LMNA: variants seen among roughly 807,000 people sequenced by gnomAD.
LMNA encodes the protein lamin.
LMNA carries 20 observed loss-of-function variants against 70.4 expected under a neutral mutation model. The observed-to-expected ratio is 0.28, with a 90% confidence interval of 0.20 to 0.41. The LOEUF (loss-of-function observed/expected upper bound fraction) is 0.41. LMNA is among the 10% of genes least tolerant of loss of function. The pLI is 1.00. For missense variants in LMNA, 652 were observed against 917.2 expected, an observed-to-expected ratio of 0.71 and a Z score of 3.73; for synonymous variants, 339 against 372.8, an observed-to-expected ratio of 0.91 and a Z score of 1.04.
chr1:156,138,355 C>T lies in LMNA; in HGVS notation c.1699-133C>T, dbSNP rs35917802. 1,062 of 1,017,860 alleles carry T rather than the reference C, an allele frequency of 1.0e-3. 13 individuals are homozygous for T. The African/African-American group carries it at 0.013, about 13-fold the overall frequency. 63.1% of individuals were successfully genotyped at this position (1,017,860 alleles called of 1,614,324 possible). A position where few individuals can be genotyped will look rare whatever the true frequency, so the allele number is the denominator to read the frequency against. On this transcript the variant is annotated intron_variant, in intron 10 of 11. Transcript: ENST00000368300. This position sits in a 1 kb window ranked among gnomAD's most constrained non-coding sequence, Gnocchi z 5.5. ...CCTAGCCTCCCAAACCCCCATTGCC[C>T]GCTGGCTCCTTGGGCACAGAACCAC...
At chr1:156,098,685 G>A (rs953957621) in intron 3 of LMNA, among the ~76,000 whole-genome samples, 3 of 152,170 alleles carry the variant, frequency 2.0e-5, no homozygotes, top group African/African-American at 7.2e-5. Context: ...AGAGGATGGA[G>A]GGGGTGGTGG....
chr1:156,106,642 CA>C (rs1649358434), intron 3 of LMNA: 28 of 145,122 alleles, frequency 1.9e-4, no homozygotes, highest in African/African-American at 3.3e-4. Context: ...CCCACCCCCC[CA>C]CGCCTCTGTC....
chr1:156,095,481 GGCACCTGCCACCACACCCA>G (rs1215555612), intron 3 of LMNA, among the ~76,000 whole-genome samples: 1 of 151,586 alleles, frequency 6.6e-6, no homozygotes, highest in Non-Finnish European at 1.5e-5. Flanking sequence ...TAGGATTACA[GGCACCTGCCACCACACCCA>G]GCTAATGCTT....
intron 2 of LMNA, among the ~76,000 whole-genome samples, chr1:156,086,433 T>TTTG (rs1648480184): frequency 6.6e-6 from 1 of 151,286 alleles, no homozygotes; most frequent in African/African-American, 2.4e-5. Context: ...TCTTTTGTCT[T>TTTG]TCTTACACAA....
At chr1:156,104,195 C>A (rs957077927) in intron 3 of LMNA, among the ~76,000 whole-genome samples, 1 of 152,180 alleles carries the variant, frequency 6.6e-6, no homozygotes, top group South Asian at 2.1e-4. Flanking sequence ...CCAAGAGGTG[C>A]GTGTATGGAG....
In LMNA at chr1:156,136,406, G is replaced by C; in HGVS notation, c.1350G>C (p.Lys450Asn). The C allele has an allele frequency of 6.2e-7, 1 of 1,602,578 alleles. No homozygotes were observed. The highest frequency in any genetic ancestry group is 8.5e-7 in the Non-Finnish European group (1 of 1,175,278). ...VAVEEVDEEG[K>N]FVRLRNKSNE... is the part of the protein sequence containing the mutation. ...TGGAGGAGGTGGATGAGGAGGGCAA[G>C]TTTGTCCGGCTGCGCAACAAGTCCA... is the stretch of plus-strand genomic sequence containing the variant. The change falls in exon 7 of 12, where the codon AAG becomes AAC. Residue 450 changes from lysine to asparagine, a missense_variant. Lys to Asn is a moderately conservative substitution (Grantham distance 94). Coordinates refer to ENST00000368300, the MANE Select transcript of LMNA (RefSeq NM_170707.4). The surrounding 1 kb of genome is among the most constrained non-coding windows in gnomAD (Gnocchi z 6.1).
In LMNA at chr1:156,135,810, G is replaced by T. The variant is rs931847142; in HGVS notation, c.937-91G>T. The T allele has an allele frequency of 3.9e-6, 4 of 1,025,998 alleles. No individual in the cohort carries two copies. In the African/African-American group the frequency reaches 6.3e-5, roughly 16 times the overall value. 63.6% of individuals were successfully genotyped at this position (1,025,998 alleles called of 1,614,324 possible). On this transcript the variant is annotated intron_variant, in intron 5 of 11. Coordinates refer to ENST00000368300, the MANE Select transcript of LMNA (RefSeq NM_170707.4). This position sits in a 1 kb window ranked among gnomAD's most constrained non-coding sequence, Gnocchi z 4.8. ...GCTCTGATTGCAGATCCTGGAGAGA[G>T]TAGCCAGGTGTCTCCTACACCGACC...
At chr1:156,114,589 C>G, upstream of LMNA, 17 of 243,458 alleles carry the variant, frequency 7.0e-5, no homozygotes, top group East Asian at 2.1e-4. Context: ...AACGGTCCTT[C>G]CCCCTCCTCA....
intron 3 of LMNA, among the ~76,000 whole-genome samples, chr1:156,092,158 T>C (rs1648730445): frequency 6.6e-6 from 1 of 151,598 alleles, no homozygotes; most frequent in Non-Finnish European, 1.5e-5. Flanking sequence ...CCTCAGGTAA[T>C]CCACTCACCT....
At position 156,135,147 on chromosome 1, in the gene LMNA, C is replaced by T; in HGVS notation, c.811-40C>T. The T allele has an allele frequency of 1.1e-5, 17 of 1,613,888 alleles. No homozygotes were observed. Among genetic ancestry groups the T allele is most frequent in the Non-Finnish European group, 1.4e-5 (17 of 1,179,966 alleles). ...AACTCAGGCCTGTGCCTCCACCCCT[C>T]CCAGTCACCACAGTCCTAACCCTTT... On this transcript the variant is annotated intron_variant, in intron 4 of 11. Coordinates refer to ENST00000368300, the MANE Select transcript of LMNA (RefSeq NM_170707.4). The surrounding 1 kb of genome is among the most constrained non-coding windows in gnomAD (Gnocchi z 4.8).
upstream of LMNA, among the ~76,000 whole-genome samples, chr1:156,113,307 A>AAAAC (rs527531139): frequency 1.6e-3 from 236 of 152,084 alleles, no homozygotes; most frequent in South Asian, 2.5e-3. Flanking sequence ...TAATCTCAAA[A>AAAAC]AAACAAACAA....
chr1:156,125,352 GCC>G (rs1650479526), intron 1 of LMNA, among the ~76,000 whole-genome samples: 2 of 152,154 alleles, frequency 1.3e-5, no homozygotes, highest in African/African-American at 4.8e-5. Flanking sequence ...AGCAGAAGAC[GCC>G]CTGTCACATG....
intron 2 of LMNA, among the ~76,000 whole-genome samples, chr1:156,085,522 C>T (rs537343089): frequency 1.3e-5 from 2 of 152,332 alleles, no homozygotes; most frequent in African/African-American, 4.8e-5. Flanking sequence ...CTTTGGAGGA[C>T]AGCACTATGT....
intron 1 of LMNA, among the ~76,000 whole-genome samples, chr1:156,128,279 G>A (rs890533675): frequency 6.6e-6 from 1 of 152,176 alleles, no homozygotes; most frequent in East Asian, 1.9e-4. Context: ...AGGTGAAGAG[G>A]TTAGACTGAA....
intron 1 of LMNA, chr1:156,126,437 G>A (rs1045691871): frequency 1.3e-5 from 8 of 618,330 alleles, no homozygotes; most frequent in East Asian, 2.9e-5. Flanking sequence ...GCCTGTGGCC[G>A]GCCCTGGCTT....
rs1651366810 is a variant in LMNA at position 156,134,582 on chromosome 1, G to A, written c.639+54G>A. ...GCTGGGGCTGGGTGATGACAGACTT[G>A]GGCTGGGCTAGGGGGGACCAGCTGT... On this transcript the variant is annotated intron_variant, in intron 3 of 11. Transcript: ENST00000368300. This position sits in a 1 kb window ranked among gnomAD's most constrained non-coding sequence, Gnocchi z 5.3. 1 of 1,611,340 alleles carries A rather than the reference G, an allele frequency of 6.2e-7. No individual in the cohort carries two copies. The highest frequency in any genetic ancestry group is 1.3e-5 in the African/African-American group (1 of 74,858).
chr1:156,107,223 G>A (rs967587009), intron 3 of LMNA, among the ~76,000 whole-genome samples: 1 of 152,196 alleles, frequency 6.6e-6, no homozygotes, highest in Non-Finnish European at 1.5e-5. Flanking sequence ...GGGAGGGCTT[G>A]GTTACTACTT....
rs1651593045 is a variant in LMNA, at chr1:156,136,182, A to G, written c.1158-32A>G. The G allele has an allele frequency of 2.5e-6, 4 of 1,612,640 alleles. No homozygotes were observed. Among genetic ancestry groups the G allele is most frequent in the South Asian group, 2.2e-5 (2 of 91,060 alleles). On this transcript the variant is annotated intron_variant, in intron 6 of 11. Coordinates refer to ENST00000368300, the MANE Select transcript of LMNA (RefSeq NM_170707.4). This position sits in a 1 kb window ranked among gnomAD's most constrained non-coding sequence, Gnocchi z 6.1. ...GTCCTCTGGCCGGCAACTGGCCTTGACTAGACCCCCACTTGGTCTCCCTCT... is the reference window on the plus strand; with the variant it reads ...GTCCTCTGGCCGGCAACTGGCCTTGGCTAGACCCCCACTTGGTCTCCCTCT...
Position 156,139,804 on chromosome 1 carries a change from GGGA to G in LMNA, c.*700_*702del, listed in dbSNP as rs1218379136. On this transcript the variant is annotated 3_prime_UTR_variant, in exon 12 of 12. Transcript: ENST00000368300. The stretch of plus-strand genomic sequence containing the variant: ...GGGAATGAGGTGGGAGGTGGAAGAA[GGGA>G]GAAGAAAGGTGAGTTTGAGCTGCCT... The G allele has an allele frequency of 3.3e-6, 5 of 1,532,880 alleles. No homozygotes were observed. Among genetic ancestry groups the G allele is most frequent in the Non-Finnish European group, 3.5e-6 (4 of 1,145,626 alleles). The allele number at this position is 1,532,880 out of a possible 1,614,324, so 95.0% of individuals were successfully genotyped here.
Sources: gnomAD v4.1 joint callset for allele counts (sites outside exome capture counted in the v4.1 genomes callset) on GRCh38, gnomAD v4.1.1 for gene constraint, Gnocchi (gnomAD v3.1) non-coding constraint, MANE v1.5 for transcripts, NCBI Gene and HGNC (gene_info 2026-07-23, HGNC 2026-07-21) for gene names.